Variants in ARPP21 observed in about 807,000 individuals in gnomAD.
ARPP21 encodes the protein cAMP regulated phosphoprotein 21, also known as cAMP-regulated phosphoprotein 21.
A neutral mutation model predicts 113.2 loss-of-function variants in ARPP21; 69 were observed. The ratio of observed to expected loss-of-function variants is 0.61; its 90% CI spans 0.50 to 0.74. The LOEUF is 0.74. Among genes scored for constraint, ARPP21 ranks in the 30% least tolerant of loss-of-function variants. The pLI, the probability that ARPP21 is intolerant of heterozygous loss-of-function variation, is 0.00. For missense variants in ARPP21, 1,070 were observed against 1,037.4 expected (o/e 1.03, Z -0.43); for synonymous variants, 368 against 375.5 (o/e 0.98, Z 0.23).
intron 10 of ARPP21, 90 bp from the exon 11 acceptor site, chr3:35,708,879 A>C: frequency 1.2e-6 from 1 of 832,870 alleles, no homozygotes; most frequent in South Asian, 1.6e-5. Flanking sequence ...GTTTAAGTGA[A>C]CATTTATTAT....
intron 5 of ARPP21, among the ~76,000 whole-genome samples, chr3:35,687,295 A>G (rs1160837150): frequency 6.6e-6 from 1 of 151,164 alleles, no homozygotes; most frequent in Admixed American, 6.6e-5. Context: ...TTCTATTTGT[A>G]ATTATGATTC....
intron 13 of ARPP21, among the ~76,000 whole-genome samples, chr3:35,719,900 T>A (rs1173893621): frequency 6.6e-6 from 1 of 152,204 alleles, no homozygotes; most frequent in Non-Finnish European, 1.5e-5. Context: ...CATGATTATA[T>A]GGGAGAAGAA....
chr3:35,654,447 T>C (rs976317259), intron 1 of ARPP21, among the ~76,000 whole-genome samples: 6 of 152,112 alleles, frequency 3.9e-5, no homozygotes, highest in Admixed American at 3.3e-4. Flanking sequence ...TAACACCAGA[T>C]AGACAAAGGT....
At chr3:35,681,087 T>TGGGAGCTC (rs1218815880) in intron 2 of ARPP21, 1 of 151,764 alleles carries the variant, frequency 6.6e-6, no homozygotes, top group Admixed American at 6.6e-5. Context: ...GACAGGAGCT[T>TGGGAGCTC]GGGAGCTCGG....
chr3:35,790,471 G>A, intron 19 of ARPP21, among the ~76,000 whole-genome samples: 1 of 152,184 alleles, frequency 6.6e-6, no homozygotes, highest in East Asian at 1.9e-4. Context: ...ATCACAATGG[G>A]AGACCTAGAC....
chr3:35,686,834 T>G (rs940823844), intron 5 of ARPP21, among the ~76,000 whole-genome samples: 1 of 151,576 alleles, frequency 6.6e-6, no homozygotes, highest in Non-Finnish European at 1.5e-5. Context: ...TGGCTCATTC[T>G]TCTTCAAAAC....
chr3:35,672,743 A>G (rs1282754129), intron 1 of ARPP21, among the ~76,000 whole-genome samples: 2 of 152,072 alleles, frequency 1.3e-5, no homozygotes, highest in Non-Finnish European at 2.9e-5. Flanking sequence ...AGAATGATTC[A>G]TCTGCTTTTT....
intron 19 of ARPP21, among the ~76,000 whole-genome samples, chr3:35,760,564 T>C (rs1232234493): frequency 6.6e-6 from 1 of 151,152 alleles, no homozygotes. Context: ...CCGCTGGGAG[T>C]TTGATGTCTG....
chr3:35,775,203 T>G (rs1003980740), intron 19 of ARPP21, among the ~76,000 whole-genome samples: 1 of 152,202 alleles, frequency 6.6e-6, no homozygotes, highest in African/African-American at 2.4e-5. Context: ...CCTAATTAGA[T>G]GCCAAGCTGT....
intron 1 of ARPP21, among the ~76,000 whole-genome samples, chr3:35,674,402 G>A (rs1208317322): frequency 6.6e-6 from 1 of 151,904 alleles, no homozygotes; most frequent in Non-Finnish European, 1.5e-5. Context: ...GAATCATGAG[G>A]CCATTGCTCA....
intron 18 of ARPP21, among the ~76,000 whole-genome samples, chr3:35,740,856 G>T (rs898500517): frequency 1.3e-5 from 2 of 152,198 alleles, no homozygotes; most frequent in African/African-American, 2.4e-5. Flanking sequence ...CCTGCACTTT[G>T]GGGGGCTGAG....
intron 19 of ARPP21, among the ~76,000 whole-genome samples, chr3:35,789,179 C>G (rs560179226): frequency 6.6e-6 from 1 of 152,184 alleles, no homozygotes; most frequent in Non-Finnish European, 1.5e-5. Context: ...CAAACTGGAA[C>G]ACATTTCTCA....
intron 9 of ARPP21, among the ~76,000 whole-genome samples, chr3:35,703,461 A>G (rs2149902000): frequency 6.6e-6 from 1 of 152,102 alleles, no homozygotes; most frequent in South Asian, 2.1e-4. Context: ...AGTGCTCTTC[A>G]CTATACATGA....
intron 8 of ARPP21, among the ~76,000 whole-genome samples, chr3:35,690,501 C>T (rs13082065): frequency 0.37 from 55,491 of 151,244 alleles, 11,535 homozygotes; most frequent in East Asian, 0.71. Flanking sequence ...CAGTATAAAC[C>T]GTGTAATGAC....
At chr3:35,793,602 T>G in intron 20 of ARPP21, 99 bp from the exon 21 acceptor site, 7 of 814,976 alleles carry the variant, frequency 8.6e-6, no homozygotes, top group Non-Finnish European at 1.3e-5. Context: ...CTGTTAGGTC[T>G]AACTCAAAAG....
chr3:35,662,175 G>A (rs954754242), intron 1 of ARPP21, among the ~76,000 whole-genome samples: 1 of 152,156 alleles, frequency 6.6e-6, no homozygotes, highest in South Asian at 2.1e-4. Context: ...CATTAAATAT[G>A]TGGTCCCATA....
intron 10 of ARPP21, 35 bp from the exon 11 acceptor site, chr3:35,708,934 T>C: frequency 6.7e-7 from 1 of 1,486,278 alleles, no homozygotes; most frequent in African/African-American, 1.4e-5. Flanking sequence ...ACAACGCAAC[T>C]TGGATAACCC....
intron 19 of ARPP21, chr3:35,744,613 G>C (rs1030504394): frequency 8.6e-6 from 4 of 464,054 alleles, no homozygotes; most frequent in Admixed American, 4.8e-5. Flanking sequence ...CGACAGGGCT[G>C]AGTGGCTTGT....
intron 1 of ARPP21, among the ~76,000 whole-genome samples, chr3:35,671,712 T>C (rs1193729497): frequency 1.3e-5 from 2 of 151,972 alleles, no homozygotes; most frequent in East Asian, 3.9e-4. Flanking sequence ...ATGAGGACCC[T>C]GTTAGAGTAA....
Sources: allele counts gnomAD v4.1 joint callset (sites outside exome capture counted in the v4.1 genomes callset), GRCh38; gene constraint gnomAD v4.1.1; transcripts MANE v1.5; gene names NCBI Gene and HGNC (gene_info 2026-07-23, HGNC 2026-07-21).